CAP1: variants seen among roughly 807,000 people sequenced by gnomAD.
CAP1 encodes the protein cyclase associated actin cytoskeleton regulatory protein 1.
A neutral mutation model predicts 58.2 loss-of-function variants in CAP1; 11 were observed. The observed-to-expected ratio is 0.19, with a 90% CI of 0.12 to 0.31. The LOEUF (loss-of-function observed/expected upper bound fraction) is 0.31, where lower values mean the gene tolerates loss of function less well. Among genes scored for constraint, CAP1 ranks in the 10% least tolerant of loss-of-function variants. The pLI is 1.00. For missense variants in CAP1, 423 were observed against 587.5 expected, an observed-to-expected ratio of 0.72 and a Z score of 2.89; for synonymous variants, 183 against 213.8, an observed-to-expected ratio of 0.86 and a Z score of 1.26.
intron 1 of CAP1, chr1:40,057,414 G>A (rs1202964806): frequency 1.3e-5 from 2 of 152,160 alleles, no homozygotes; most frequent in Non-Finnish European, 2.9e-5. Context: ...AAAGTATGTT[G>A]ACTGCTTATG....
intron 6 of CAP1, 87 bp from the exon 7 acceptor site, chr1:40,066,128 T>G (rs576471300): frequency 8.0e-6 from 6 of 752,160 alleles, no homozygotes; most frequent in Non-Finnish European, 1.4e-5. Flanking sequence ...GGTAGGAGAA[T>G]GTGAGCCCAT....
intron 8 of CAP1, 109 bp downstream of exon 8, chr1:40,067,826 C>G (rs185907681): frequency 8.1e-6 from 6 of 737,236 alleles, no homozygotes; most frequent in East Asian, 5.8e-5. Flanking sequence ...GGTGGAGACT[C>G]GTTTGGTGTG....
rs186921305 is a variant in CAP1 at position 40,067,041 on chromosome 1, G to A, written c.631-499G>A. On this transcript the variant is annotated intron_variant, in intron 7 of 12. Transcript: ENST00000372805. ...TTATGAAAGTGGTCATGGTGTTTGG[G>A]GGATAGTAGAAAAACATTTGCAGGA... 3.7e-4 allele frequency among the ~76,000 whole-genome samples: 57 copies of A among 152,290 alleles called. 1 individual carries two copies. The highest frequency in any genetic ancestry group is 6.2e-4 in the South Asian group (3 of 4,826).
intron 1 of CAP1, 61 bp downstream of exon 1, chr1:40,040,862 G>T (rs4077664): frequency 0.13 from 19,320 of 152,940 alleles, 1,403 homozygotes; most frequent in East Asian, 0.23. Context: ...GCCCCTGGTG[G>T]TGTTAATGGC....
At chr1:40,070,660 C>A in intron 11 of CAP1, 148 bp downstream of exon 11, 1 of 914,314 alleles carries the variant, frequency 1.1e-6, no homozygotes, top group Non-Finnish European at 1.7e-6. Context: ...GAAGGGTTGG[C>A]TCTTCAAGCA....
intron 3 of CAP1, among the ~76,000 whole-genome samples, chr1:40,060,520 C>G (rs1022355648): frequency 6.6e-6 from 1 of 152,138 alleles, no homozygotes; most frequent in African/African-American, 2.4e-5. Context: ...ATTATCATGA[C>G]TTAGCATTTA....
intron 1 of CAP1, among the ~76,000 whole-genome samples, chr1:40,053,954 T>G (rs1355888242): frequency 6.6e-6 from 1 of 152,222 alleles, no homozygotes; most frequent in Non-Finnish European, 1.5e-5. Flanking sequence ...CTTATGGTAC[T>G]TAGTTTGAAG....
chr1:40,049,227 C>T (rs1557675802), intron 1 of CAP1, among the ~76,000 whole-genome samples: 1 of 123,370 alleles, frequency 8.1e-6, no homozygotes, highest in Non-Finnish European at 1.6e-5. Flanking sequence ...CTCTCTGTCG[C>T]CCAGGCTGGA....
intron 4 of CAP1, among the ~76,000 whole-genome samples, chr1:40,062,773 T>TGTGTGTGTGTGTGTGTGTG (rs111329903): frequency 6.9e-6 from 1 of 145,526 alleles, no homozygotes; most frequent in East Asian, 2.0e-4. Context: ...TCAAAAAACA[T>TGTGTGTGTGTGTGTGTGTG]TGTGTGTGTG....
chr1:40,071,428 G>T, intron 12 of CAP1, 22 bp from the exon 13 acceptor site: 1 of 1,557,688 alleles, frequency 6.4e-7, no homozygotes, highest in Non-Finnish European at 8.8e-7. Context: ...ATTTAAACCT[G>T]CTGTCTCTTC....
chr1:40,061,608 A>G, intron 3 of CAP1, 127 bp from the exon 4 acceptor site: 1 of 768,952 alleles, frequency 1.3e-6, no homozygotes, highest in Admixed American at 1.8e-5. Flanking sequence ...TCTGGAATAC[A>G]TGAGGAGGAT....
chr1:40,066,097 C>T (rs1255613953), intron 6 of CAP1, 118 bp from the exon 7 acceptor site: 2 of 632,938 alleles, frequency 3.2e-6, no homozygotes, highest in Non-Finnish European at 2.9e-6. Flanking sequence ...TGCCATTGAG[C>T]GGAGCCTAAG....
intron 1 of CAP1, among the ~76,000 whole-genome samples, chr1:40,053,628 G>A (rs1051411399): frequency 6.6e-6 from 1 of 152,068 alleles, no homozygotes; most frequent in African/African-American, 2.4e-5. Context: ...TGTATTTTTA[G>A]TAAAGACGGG....
intron 1 of CAP1, among the ~76,000 whole-genome samples, chr1:40,055,208 G>A (rs1646558124): frequency 6.6e-6 from 1 of 152,190 alleles, no homozygotes; most frequent in Admixed American, 6.5e-5. Flanking sequence ...TTGCTGTAGT[G>A]TGCTAAGGAA....
At chr1:40,055,623 C>G (rs1646579274) in intron 1 of CAP1, among the ~76,000 whole-genome samples, 1 of 152,158 alleles carries the variant, frequency 6.6e-6, no homozygotes, top group Admixed American at 6.5e-5. Flanking sequence ...CCTCCCACCT[C>G]AGTCTCCCAG....
At chr1:40,053,415 G>A (rs1296957005) in intron 1 of CAP1, among the ~76,000 whole-genome samples, 2 of 152,058 alleles carry the variant, frequency 1.3e-5, no homozygotes, top group South Asian at 2.1e-4. Context: ...TTGTACTCTA[G>A]GCCTAGGTTC....
At chr1:40,069,616 G>C in intron 8 of CAP1, 74 bp from the exon 9 acceptor site, 1 of 1,327,206 alleles carries the variant, frequency 7.5e-7, no homozygotes, top group Non-Finnish European at 1.0e-6. Context: ...TTCTGTTAAG[G>C]ATGTTTAACA....
intron 4 of CAP1, among the ~76,000 whole-genome samples, chr1:40,062,927 A>G (rs3122420): frequency 0.69 from 105,573 of 151,914 alleles, 36,949 homozygotes; most frequent in Non-Finnish European, 0.74. Flanking sequence ...CACAAACAAA[A>G]TTCATCCATT....
At position 40,064,271 on chromosome 1, in the gene CAP1, A is replaced by G. The variant is rs746423826; in HGVS notation, c.339A>G (p.Lys113=). The G allele has an allele frequency of 6.2e-7, 1 of 1,614,228 alleles. No individual in the cohort carries two copies. The highest frequency in any genetic ancestry group is 2.2e-5 in the East Asian group (1 of 44,890). Residue 113 remains lysine (K), a synonymous_variant, in exon 5 of 13, where the codon AAA becomes AAG. Coordinates refer to ENST00000372805, the MANE Select transcript of CAP1 (RefSeq NM_006367.4). ...TGGCACCCATCTCAGAGCAGATCAAAGAAGTGATAACCTTTCGGGAGAAGA... is the reference window on the plus strand; with the variant it reads ...TGGCACCCATCTCAGAGCAGATCAAGGAAGTGATAACCTTTCGGGAGAAGA... ...DLLAPISEQI[K]EVITFREKNR...
Sources: allele counts gnomAD v4.1 joint callset (sites outside exome capture counted in the v4.1 genomes callset), GRCh38; gene constraint gnomAD v4.1.1; transcripts MANE v1.5; gene names NCBI Gene and HGNC (gene_info 2026-07-23, HGNC 2026-07-21).